The following MAST4 variants were observed in gnomAD, a reference collection of about 807,000 sequenced individuals.
MAST4 encodes the protein microtubule associated serine/threonine kinase family member 4.
MAST4 carries 89 observed loss-of-function variants against 162.7 expected under a neutral mutation model. The ratio of observed to expected loss-of-function variants is 0.55; its 90% CI spans 0.46 to 0.65. The LOEUF is 0.65. Among genes scored for constraint, MAST4 ranks in the 30% least tolerant of loss-of-function variants. MAST4 has a pLI of 0.00. For synonymous variants in MAST4, 1,479 were observed against 1,361.1 expected, an observed-to-expected ratio of 1.09 and a Z score of -1.91; for missense variants, 3,153 against 3,374.0, an observed-to-expected ratio of 0.93 and a Z score of 1.62.
At chr5:66,920,185 G>C (rs1389238356) in intron 4 of MAST4, among the ~76,000 whole-genome samples, 1 of 152,036 alleles carries the variant, frequency 6.6e-6, no homozygotes, top group Non-Finnish European at 1.5e-5. Context: ...GGTGACAAAT[G>C]ATACAAACTA....
At chr5:66,622,221 T>C (rs912745183) in intron 1 of MAST4, among the ~76,000 whole-genome samples, 8 of 152,186 alleles carry the variant, frequency 5.3e-5, no homozygotes, top group African/African-American at 1.9e-4. Flanking sequence ...ATGATGTGTT[T>C]GGCCATGTGT....
At chr5:66,947,039 T>G (rs1794304191) in intron 4 of MAST4, among the ~76,000 whole-genome samples, 2 of 152,134 alleles carry the variant, frequency 1.3e-5, no homozygotes, top group South Asian at 4.1e-4. Context: ...TTGATTATGG[T>G]CCAGTATTTA....
intron 4 of MAST4, among the ~76,000 whole-genome samples, chr5:66,995,965 A>G (rs1326161164): frequency 6.6e-6 from 1 of 151,952 alleles, no homozygotes; most frequent in Non-Finnish European, 1.5e-5. Context: ...ATAATTCTGT[A>G]CTGACAGATG....
chr5:67,098,742 A>G (rs539093352), intron 7 of MAST4, among the ~76,000 whole-genome samples: 48 of 152,238 alleles, frequency 3.2e-4, no homozygotes, highest in Non-Finnish European at 5.7e-4. Context: ...TCTGAAGTCA[A>G]TAGATACTGT....
In MAST4 at chr5:66,759,760, C is replaced by G; in HGVS notation, c.415C>G (p.Pro139Ala). Residue 139 changes from proline to alanine, a missense_variant, in exon 2 of 29, where the codon CCA becomes GCA. This residue lies in a region of MAST4 where 327 missense variants were observed against 336.5 expected (regional missense o/e 0.97). Transcript: ENST00000403625. Reference sequence around the variant, plus strand: ...CATGCCGTTTCGGAAATGCAGCAACCCAGATGTGGCTTCTGGCCCTGGAAA... The same window carrying G: ...CATGCCGTTTCGGAAATGCAGCAACGCAGATGTGGCTTCTGGCCCTGGAAA... ...PPMPFRKCSNPDVASGPGKSL... is the reference protein window; with the variant it reads ...PPMPFRKCSNADVASGPGKSL... 6.2e-7 allele frequency: 1 copy of G among 1,613,976 alleles called. No homozygotes were observed. The highest frequency in any genetic ancestry group is 8.5e-7 in the Non-Finnish European group (1 of 1,179,886).
chr5:66,964,930 G>A (rs1191082468), intron 4 of MAST4, among the ~76,000 whole-genome samples: 1 of 152,142 alleles, frequency 6.6e-6, no homozygotes, highest in East Asian at 1.9e-4. Context: ...GCCACTTATG[G>A]CCACTTCCTT....
rs192601220 is a variant in MAST4, at chr5:67,109,613, A to G, written c.1357-485A>G. Among the ~76,000 whole-genome samples, 17 of 152,334 alleles carry G rather than the reference A, an allele frequency of 1.1e-4. No individual in the cohort carries two copies. In the East Asian group the frequency reaches 2.9e-3, roughly 26 times the overall value. The stretch of plus-strand genomic sequence containing the variant: ...TTGCACACTTCTTACGTGTGATAAT[A>G]TAACTAATTTATAGGCGAATCATAT... On this transcript the variant is annotated intron_variant, in intron 10 of 28. Coordinates refer to ENST00000403625, the MANE Select transcript of MAST4 (RefSeq NM_001164664.2).
At chr5:66,671,344 A>G (rs1156916817) in intron 1 of MAST4, among the ~76,000 whole-genome samples, 2 of 152,124 alleles carry the variant, frequency 1.3e-5, no homozygotes, top group South Asian at 2.1e-4. Context: ...CCAGCATCAC[A>G]TTTGTGTTCC....
At chr5:66,615,715 A>C (rs549680111) in intron 1 of MAST4, among the ~76,000 whole-genome samples, 1 of 152,000 alleles carries the variant, frequency 6.6e-6, no homozygotes, top group Non-Finnish European at 1.5e-5. Context: ...TGGAAGGTTG[A>C]GACGGAGGAT....
At position 67,061,790 on chromosome 5, in the gene MAST4, G is replaced by A. The variant is rs1232849996; in HGVS notation, c.763+7298G>A. Among the ~76,000 whole-genome samples the A allele has an allele frequency of 4.1e-5, 6 of 145,784 alleles. No individual in the cohort carries two copies. In the South Asian group the frequency reaches 1.3e-3, roughly 31 times the overall value. ...CTTAGTCTGTCAGTATAGGATGATG[G>A]TTTTCCTAAGCAGTGAAGAAGTTCT... On this transcript the variant is annotated intron_variant, in intron 5 of 28. Transcript: ENST00000403625.
rs185784653 is a variant in MAST4 at position 66,832,511 on chromosome 5, G to A, written c.642+43717G>A. Among the ~76,000 whole-genome samples, 210 of 151,964 alleles carry A rather than the reference G, an allele frequency of 1.4e-3. 2 individuals carry two copies. The highest frequency in any genetic ancestry group is 4.6e-4 in the Non-Finnish European group (31 of 67,998). ...ACGCTGGCCTAGGCTCTGATTTTCC[G>A]CTGGCCTTGGTCTAGAATTCAATTT... On this transcript the variant is annotated intron_variant, in intron 3 of 28. Transcript: ENST00000403625.
At chr5:66,940,786 A>C (rs909531224) in intron 4 of MAST4, among the ~76,000 whole-genome samples, 2 of 152,086 alleles carry the variant, frequency 1.3e-5, no homozygotes, top group Non-Finnish European at 2.9e-5. Context: ...GAAGGTTTTC[A>C]ATGTACTTTG....
At chr5:66,912,542 A>G (rs1763845948) in intron 4 of MAST4, among the ~76,000 whole-genome samples, 1 of 152,224 alleles carries the variant, frequency 6.6e-6, no homozygotes, top group South Asian at 2.1e-4. Flanking sequence ...ATAGATCAGT[A>G]CACAGTTTTC....
Position 67,163,599 on chromosome 5 carries a change from G to A in MAST4, c.4420G>A (p.Glu1474Lys). The A allele has an allele frequency of 1.9e-6, 3 of 1,599,978 alleles. No individual in the cohort carries two copies. Among genetic ancestry groups the A allele is most frequent in the East Asian group, 2.3e-5 (1 of 44,166 alleles). Residue 1474 changes from glutamate to lysine, a missense_variant, in exon 29 of 29, where the codon GAG becomes AAG. Around this residue, in one of 7 missense-constraint regions of MAST4, gnomAD observed 1,644 missense variants for 1,495.0 expected, o/e 1.10. Transcript: ENST00000403625. This position sits in a 1 kb window ranked among gnomAD's most constrained non-coding sequence, Gnocchi z 7.0. ...RKHSLEVTQEEVQREQSQREA... is the reference protein window; with the variant it reads ...RKHSLEVTQEKVQREQSQREA... ...GCACAGCCTGGAGGTGACCCAAGAG[G>A]AGGTGCAGCGGGAGCAGTCCCAGCG...
intron 15 of MAST4, among the ~76,000 whole-genome samples, chr5:67,130,625 A>G (rs1379950715): frequency 6.6e-6 from 1 of 152,180 alleles, no homozygotes; most frequent in Non-Finnish European, 1.5e-5. Context: ...AATTAGCGCT[A>G]TCTGGAAAAA....
chr5:66,798,684 C>T (rs1294481600), intron 3 of MAST4, among the ~76,000 whole-genome samples: 1 of 152,122 alleles, frequency 6.6e-6, no homozygotes, highest in Non-Finnish European at 1.5e-5. Context: ...ATCTGTAACC[C>T]TAAGAAAACA....
chr5:66,896,524 A>G (rs530926609), intron 3 of MAST4, among the ~76,000 whole-genome samples: 1 of 152,370 alleles, frequency 6.6e-6, no homozygotes, highest in South Asian at 2.1e-4. Context: ...GGGAGTATCT[A>G]CATGTATTAT....
intron 4 of MAST4, among the ~76,000 whole-genome samples, chr5:66,933,744 T>A (rs1742420712): frequency 6.6e-6 from 1 of 152,212 alleles, no homozygotes; most frequent in South Asian, 2.1e-4. Context: ...GTAGTTTGTC[T>A]TTATATTTAG....
intron 4 of MAST4, among the ~76,000 whole-genome samples, chr5:66,950,221 ACT>A (rs1744509765): frequency 6.6e-6 from 1 of 151,540 alleles, no homozygotes; most frequent in African/African-American, 2.4e-5. Flanking sequence ...AAACTAGTAT[ACT>A]TTTTTTTTCT....
Sources: gnomAD v4.1 joint callset for allele counts (sites outside exome capture counted in the v4.1 genomes callset) on GRCh38, gnomAD v4.1.1 for gene constraint, gnomAD v4.1.1 regional missense constraint, Gnocchi (gnomAD v3.1) non-coding constraint, MANE v1.5 for transcripts, NCBI Gene and HGNC (gene_info 2026-07-23, HGNC 2026-07-21) for gene names.